The following RGR variants were observed in gnomAD, a reference collection of about 807,000 sequenced individuals.
RGR encodes the protein RPE-retinal G protein-coupled receptor.
In RGR, 30 loss-of-function variants were observed where a neutral mutation model predicts 28.6. That is an observed-to-expected ratio of 1.05 (90% CI 0.78 to 1.42). RGR has a LOEUF of 1.42. Ranked by LOEUF, RGR falls within the 40% of genes most tolerant of loss-of-function variation. The pLI is 0.00. For synonymous variants in RGR, 180 were observed against 156.4 expected (o/e 1.15, Z -1.13); for missense variants, 404 against 375.6 (o/e 1.08, Z -0.62).
Position 84,252,986 on chromosome 10 carries a change from C to A in RGR, c.488C>A (p.Thr163Asn). The change falls in exon 4 of 7, where the codon ACC becomes AAC. Residue 163 changes from threonine (T) to asparagine (N), a missense_variant. Thr to Asn is a moderately conservative substitution (Grantham distance 65). Transcript: ENST00000652092. ...TATGAGCCACTGGGGACATGCTGCA[C>A]CCTGGACTACTCCAAGGGGGACAGG... is the stretch of plus-strand genomic sequence containing the variant. ...YDYEPLGTCCTLDYSKGDRNF... is the reference protein window; with the variant it reads ...YDYEPLGTCCNLDYSKGDRNF... 2 of 1,613,770 alleles carry A rather than the reference C, an allele frequency of 1.2e-6. No homozygotes were observed. Among genetic ancestry groups the A allele is most frequent in the Non-Finnish European group, 1.7e-6 (2 of 1,180,028 alleles).
intron 5 of RGR, among the ~76,000 whole-genome samples, chr10:84,257,519 G>T (rs1380960712): frequency 6.6e-6 from 1 of 152,154 alleles, no homozygotes; most frequent in African/African-American, 2.4e-5. Flanking sequence ...AGAATCCCTT[G>T]AACCCAGGAG....
chr10:84,248,904 G>A lies in RGR; in HGVS notation c.237-18G>A, dbSNP rs1842780247. The A allele has an allele frequency of 6.2e-7, 1 of 1,614,200 alleles. No individual in the cohort carries two copies. Among genetic ancestry groups the A allele is most frequent in the African/African-American group, 1.3e-5 (1 of 75,066 alleles). On this transcript the variant is annotated intron_variant, in intron 2 of 6. Coordinates refer to ENST00000652092, the MANE Select transcript of RGR (RefSeq NM_001012720.2). ...AAGGATCGGAGGAGAGGTCACTGGT[G>A]CCCAGTGTCTCCCACAGGCGCTGGC...
At chr10:84,246,464 A>G (rs1842747962) in intron 1 of RGR, among the ~76,000 whole-genome samples, 1 of 152,102 alleles carries the variant, frequency 6.6e-6, no homozygotes. Flanking sequence ...TCCCACTTGT[A>G]ACTGAGAACA....
At chr10:84,250,280 C>A in intron 3 of RGR, 1 of 706,800 alleles carries the variant, frequency 1.4e-6, no homozygotes, top group Non-Finnish European at 2.7e-6. Flanking sequence ...GGCATGTCCT[C>A]TTTGGAATCC....
intron 5 of RGR, among the ~76,000 whole-genome samples, chr10:84,254,713 C>A (rs1369195822): frequency 6.6e-6 from 1 of 152,144 alleles, no homozygotes; most frequent in Non-Finnish European, 1.5e-5. Context: ...TAATCTCTAG[C>A]CAGCATCTGC....
intron 2 of RGR, 46 bp downstream of exon 2, chr10:84,247,793 G>A: frequency 6.2e-7 from 1 of 1,613,362 alleles, no homozygotes; most frequent in South Asian, 1.1e-5. Context: ...TCCTGCCTGG[G>A]GCCTGACCCC....
rs375152741 is a variant in RGR, at chr10:84,245,221, C to T, written c.79+52C>T. The T allele has an allele frequency of 3.3e-3, 5,210 of 1,568,720 alleles. 39 individuals carry two copies. Among genetic ancestry groups the T allele is most frequent in the South Asian group, 0.016 (1,438 of 89,054 alleles). On this transcript the variant is annotated intron_variant, in intron 1 of 6. Transcript: ENST00000652092. The stretch of plus-strand genomic sequence containing the variant: ...GCGGGGGCCCAGTGGGTTCTGAGGA[C>T]CCAGGCCACCAGTGTGGAGCTGGCA...
Position 84,259,086 on chromosome 10 carries a change from G to A in RGR, c.*447G>A, listed in dbSNP as rs1401983666. 1 of 199,648 alleles carries A rather than the reference G, an allele frequency of 5.0e-6. No homozygotes were observed. Among genetic ancestry groups the A allele is most frequent in the East Asian group, 1.2e-4 (1 of 8,592 alleles). The allele number at this position is 199,648 out of a possible 1,614,324, so 12.4% of individuals were successfully genotyped here. ...ATTATTCCACACTCCATGTCCACGT[G>A]TACACATTATTTAGCTCCCACTTAC... On this transcript the variant is annotated 3_prime_UTR_variant, in exon 7 of 7. Coordinates refer to ENST00000652092, the MANE Select transcript of RGR (RefSeq NM_001012720.2).
At chr10:84,247,771 C>T in intron 2 of RGR, 24 bp downstream of exon 2, 1 of 1,613,918 alleles carries the variant, frequency 6.2e-7, no homozygotes, top group Non-Finnish European at 8.5e-7. Flanking sequence ...CCCCAGTCCA[C>T]AGGCTCTGGG....
chr10:84,247,649 G>T lies in RGR; in HGVS notation c.138G>T (p.Glu46Asp). 1 of 1,614,048 alleles carries T rather than the reference G, an allele frequency of 6.2e-7. No individual in the cohort carries two copies. Among genetic ancestry groups the T allele is most frequent in the East Asian group, 2.2e-5 (1 of 44,884 alleles). Residue 46 changes from glutamate to aspartate, a missense_variant, in exon 2 of 7, where the codon GAG becomes GAT. Coordinates refer to ENST00000652092, the MANE Select transcript of RGR (RefSeq NM_001012720.2). ...TCTTCTCTTTCTGCAAGACCCCGGAGCTGCGGACTCCCTGCCACCTACTGG... is the reference window on the plus strand; with the variant it reads ...TCTTCTCTTTCTGCAAGACCCCGGATCTGCGGACTCCCTGCCACCTACTGG... ...LTIFSFCKTP[E>D]LRTPCHLLVL...
intron 5 of RGR, among the ~76,000 whole-genome samples, chr10:84,257,284 C>G (rs992107707): frequency 2.6e-5 from 4 of 152,204 alleles, no homozygotes; most frequent in Admixed American, 6.5e-5. Context: ...AGCCCCTCCC[C>G]CGCTGATTGT....
At chr10:84,250,554 A>ACACACACACC in intron 3 of RGR, 2 of 603,138 alleles carry the variant, frequency 3.3e-6, no homozygotes, top group East Asian at 6.2e-5. Context: ...ACACACACAC[A>ACACACACACC]CCACCTTCTC....
At chr10:84,255,718 CTTTTTTTTTTTTT>C (rs71013305) in intron 5 of RGR, among the ~76,000 whole-genome samples, 119 of 102,856 alleles carry the variant, frequency 1.2e-3, no homozygotes, top group Middle Eastern at 6.3e-3. Context: ...GGTTTTCTTT[CTTTTTTTTTTTTT>C]TTTTTTTTTT....
chr10:84,247,915 G>A (rs922812626), intron 2 of RGR, 168 bp downstream of exon 2: 15 of 968,412 alleles, frequency 1.5e-5, no homozygotes, highest in Middle Eastern at 6.3e-4. Flanking sequence ...TCTGAAGAAC[G>A]ACAGCTGATT....
intron 5 of RGR, among the ~76,000 whole-genome samples, chr10:84,257,354 G>A (rs931079646): frequency 1.3e-5 from 2 of 152,222 alleles, no homozygotes; most frequent in African/African-American, 4.8e-5. Context: ...TGTGGATGAC[G>A]AGTTGGTTCT....
rs765290389 is a variant in RGR at position 84,254,451 on chromosome 10, C to T, written c.630+8C>T. The stretch of plus-strand genomic sequence containing the variant: ...AAGAGTGGCCATCTCCAGGTAAGGA[C>T]CCCCTTCCGGAGTGTTATCTGATGG... On this transcript the variant is annotated splice_region_variant and intron_variant, in intron 5 of 6. Transcript: ENST00000652092. 2.5e-6 allele frequency: 4 copies of T among 1,608,284 alleles called. 1 individual carries two copies. In the African/African-American group the frequency reaches 4.0e-5, roughly 16 times the overall value.
rs550204029 is a variant in RGR at position 84,248,959 on chromosome 10, G to A, written c.274G>A (p.Gly92Ser). Reference protein sequence around the residue: ...PYGSDGCQAHGFQGFVTALAS... With the variant: ...PYGSDGCQAHSFQGFVTALAS... The stretch of plus-strand genomic sequence containing the variant: ...CGGCTCGGACGGCTGCCAGGCTCAC[G>A]GCTTCCAGGGCTTTGTGACAGCGTT... Residue 92 changes from glycine (G) to serine (S), a missense_variant, in exon 3 of 7, where the codon GGC (glycine) becomes AGC (serine). By Grantham distance (56) the Gly-to-Ser change is moderately conservative. Transcript: ENST00000652092. The A allele has an allele frequency of 1.7e-5, 28 of 1,614,116 alleles. No individual in the cohort carries two copies. Among genetic ancestry groups the A allele is most frequent in the Admixed American group, 3.3e-5 (2 of 60,014 alleles).
intron 3 of RGR, chr10:84,250,292 C>G (rs1479160202): frequency 2.8e-6 from 2 of 709,552 alleles, no homozygotes; most frequent in Non-Finnish European, 5.3e-6. Flanking sequence ...TTGGAATCCA[C>G]AGAACTTCCC....
intron 2 of RGR, chr10:84,248,334 C>A: frequency 2.6e-6 from 1 of 387,720 alleles, no homozygotes; most frequent in South Asian, 4.5e-5. Context: ...TCTTCCATCA[C>A]AGCTTCAGAA....
Sources: allele counts gnomAD v4.1 joint callset (sites outside exome capture counted in the v4.1 genomes callset), GRCh38; gene constraint gnomAD v4.1.1; transcripts MANE v1.5; gene names NCBI Gene and HGNC (gene_info 2026-07-23, HGNC 2026-07-21).